CSMD1: variants seen among roughly 807,000 people sequenced by gnomAD.
CSMD1 encodes CUB and sushi domain-containing protein 1.
In CSMD1, 213 loss-of-function variants were observed where a neutral mutation model predicts 417.5. The ratio of observed to expected loss-of-function variants is 0.51; its 90% CI spans 0.46 to 0.57. CSMD1 has a LOEUF of 0.57. Among genes scored for constraint, CSMD1 ranks in the 20% least tolerant of loss-of-function variants. The probability of loss-of-function intolerance (pLI) is 0.00; values close to 1 mark genes in which losing one functional copy is unlikely to be tolerated. For synonymous variants in CSMD1, 2,862 were observed against 1,736.8 expected, an observed-to-expected ratio of 1.65 and a Z score of -16.11; for missense variants, 6,923 against 4,529.7, an observed-to-expected ratio of 1.53 and a Z score of -15.17.
At chr8:4,308,975 A>G (rs1798408002) in intron 3 of CSMD1, among the ~76,000 whole-genome samples, 2 of 152,182 alleles carry the variant, frequency 1.3e-5, no homozygotes, top group Non-Finnish European at 2.9e-5. Flanking sequence ...TTCTGACATA[A>G]TGTTGAACTA....
intron 2 of CSMD1, among the ~76,000 whole-genome samples, chr8:4,562,478 G>A (rs1000350390): frequency 2.0e-5 from 3 of 152,256 alleles, no homozygotes; most frequent in Non-Finnish European, 4.4e-5. Context: ...GAATTCATTA[G>A]AAATCTTATC....
At chr8:4,406,696 A>G (rs1805049148) in intron 3 of CSMD1, among the ~76,000 whole-genome samples, 1 of 152,106 alleles carries the variant, frequency 6.6e-6, no homozygotes, top group South Asian at 2.1e-4. Context: ...CACAAAGAAA[A>G]CTTTCAACAA....
chr8:4,524,979 AT>A (rs1333543093), intron 2 of CSMD1, among the ~76,000 whole-genome samples: 3 of 151,950 alleles, frequency 2.0e-5, no homozygotes, highest in Non-Finnish European at 2.9e-5. Context: ...CTTGCCACGT[AT>A]TTTTTTTACT....
At chr8:3,739,248 T>C (rs914158544) in intron 6 of CSMD1, among the ~76,000 whole-genome samples, 2 of 152,204 alleles carry the variant, frequency 1.3e-5, no homozygotes, top group Admixed American at 6.5e-5. Flanking sequence ...TCTGTTCTCA[T>C]CCTTTGAAAC....
chr8:4,666,843 T>A (rs928980769), intron 1 of CSMD1, among the ~76,000 whole-genome samples: 1 of 152,178 alleles, frequency 6.6e-6, no homozygotes, highest in African/African-American at 2.4e-5. Context: ...AGCAGAACTT[T>A]ATAATTTTGA....
chr8:4,794,668 T>C (rs1797876232), intron 1 of CSMD1, among the ~76,000 whole-genome samples: 1 of 152,186 alleles, frequency 6.6e-6, no homozygotes, highest in Admixed American at 6.6e-5. Context: ...TTCTTTCTTC[T>C]GCTGACTGCT....
At chr8:3,118,698 G>A in intron 41 of CSMD1, 111 bp from the exon 42 acceptor site, 1 of 872,620 alleles carries the variant, frequency 1.1e-6, no homozygotes, top group Non-Finnish European at 1.8e-6. Context: ...TGTTGGATAA[G>A]TTTAATAAGG....
At chr8:4,073,554 T>C (rs1799669838) in intron 3 of CSMD1, among the ~76,000 whole-genome samples, 1 of 152,156 alleles carries the variant, frequency 6.6e-6, no homozygotes, top group Admixed American at 6.5e-5. Flanking sequence ...AAAATAACCA[T>C]GCTATTAATC....
At chr8:4,498,361 T>A (rs1013840984) in intron 2 of CSMD1, among the ~76,000 whole-genome samples, 1 of 152,220 alleles carries the variant, frequency 6.6e-6, no homozygotes, top group African/African-American at 2.4e-5. Flanking sequence ...TGTATTTATA[T>A]AATCTTATAT....
chr8:4,447,244 T>C (rs545157772), intron 2 of CSMD1, among the ~76,000 whole-genome samples: 1 of 152,320 alleles, frequency 6.6e-6, no homozygotes, highest in Non-Finnish European at 1.5e-5. Context: ...GATGGATGCT[T>C]ACGTTATAGC....
intron 1 of CSMD1, among the ~76,000 whole-genome samples, chr8:4,828,382 A>G (rs1799953573): frequency 6.6e-6 from 1 of 152,172 alleles, no homozygotes; most frequent in Non-Finnish European, 1.5e-5. Flanking sequence ...GAAGACCACA[A>G]TGACTTTGCT....
chr8:4,906,312 A>G (rs1372133996), intron 1 of CSMD1, among the ~76,000 whole-genome samples: 2 of 152,202 alleles, frequency 1.3e-5, no homozygotes, highest in Admixed American at 1.3e-4. Flanking sequence ...CACTCTTTAT[A>G]TGCTTTATTA....
intron 10 of CSMD1, among the ~76,000 whole-genome samples, chr8:3,565,227 T>TAGATAGATAGAC (rs1554471775): frequency 3.8e-5 from 4 of 106,048 alleles, no homozygotes; most frequent in African/African-American, 1.5e-4. Flanking sequence ...GATAGACAGA[T>TAGATAGATAGAC]AGATAGATTA....
At chr8:3,835,790 G>C (rs1232355990) in intron 5 of CSMD1, among the ~76,000 whole-genome samples, 6 of 151,236 alleles carry the variant, frequency 4.0e-5, no homozygotes, top group East Asian at 3.9e-4. Context: ...CTGGGTGATT[G>C]TGTGAGTTCC....
chr8:3,470,868 G>A (rs1193717467), intron 11 of CSMD1, among the ~76,000 whole-genome samples: 1 of 152,098 alleles, frequency 6.6e-6, no homozygotes, highest in East Asian at 1.9e-4. Context: ...CCCTTTTATC[G>A]CTGGGTAGTA....
chr8:3,742,297 G>C (rs1054795639), intron 6 of CSMD1, among the ~76,000 whole-genome samples: 4 of 152,102 alleles, frequency 2.6e-5, no homozygotes, highest in East Asian at 3.8e-4. Flanking sequence ...TCATACAAAT[G>C]TTTATGAAAT....
chr8:3,723,311 C>T (rs2129045157), intron 6 of CSMD1, among the ~76,000 whole-genome samples: 1 of 152,208 alleles, frequency 6.6e-6, no homozygotes, highest in Non-Finnish European at 1.5e-5. Context: ...GGAAAAAGTC[C>T]CTTTTAAGGG....
intron 3 of CSMD1, among the ~76,000 whole-genome samples, chr8:4,410,737 T>G (rs573397651): frequency 1.3e-5 from 2 of 152,296 alleles, no homozygotes; most frequent in African/African-American, 4.8e-5. Context: ...GATAAAATTA[T>G]GATTAAGATG....
At chr8:3,733,664 C>A (rs151040176) in intron 6 of CSMD1, among the ~76,000 whole-genome samples, 272 of 152,150 alleles carry the variant, frequency 1.8e-3, no homozygotes, top group African/African-American at 6.3e-3. Flanking sequence ...CTGTTTGCAC[C>A]GCCTGCCTGG....
Sources: gnomAD v4.1 joint callset for allele counts (sites outside exome capture counted in the v4.1 genomes callset) on GRCh38, gnomAD v4.1.1 for gene constraint, MANE v1.5 for transcripts, NCBI Gene and HGNC (gene_info 2026-07-23, HGNC 2026-07-21) for gene names.